Variants in PRKACB observed in about 807,000 individuals in gnomAD.
PRKACB encodes the protein protein kinase cAMP-activated catalytic subunit beta, also known as cAMP-dependent protein kinase catalytic subunit beta.
A neutral mutation model predicts 51.4 loss-of-function variants in PRKACB; 16 were observed. That is an observed-to-expected ratio of 0.31 (90% CI 0.21 to 0.47). The LOEUF (loss-of-function observed/expected upper bound fraction) is 0.47. Ranked by LOEUF, PRKACB falls within the 20% of genes least tolerant of loss-of-function variation. The pLI is 1.00. For synonymous variants in PRKACB, 147 were observed against 154.4 expected, an observed-to-expected ratio of 0.95 and a Z score of 0.35; for missense variants, 309 against 464.5, an observed-to-expected ratio of 0.67 and a Z score of 3.08.
chr1:84,173,220 C>A, intron 1 of PRKACB: 1 of 665,980 alleles, frequency 1.5e-6, no homozygotes, highest in Non-Finnish European at 2.4e-6. Context: ...ATTGTTTTAT[C>A]ATTCTATTTC....
upstream of PRKACB, among the ~76,000 whole-genome samples, chr1:84,139,935 C>T (rs2100584086): frequency 6.6e-6 from 1 of 152,262 alleles, no homozygotes; most frequent in Non-Finnish European, 1.5e-5. Flanking sequence ...TGGCATGCAT[C>T]TGTAGTCCCA....
chr1:84,105,481 G>A lies in PRKACB; in HGVS notation c.46+27110G>A, dbSNP rs186887913. On this transcript the variant is annotated intron_variant, in intron 1 of 8. Transcript: ENST00000370688. ...TCCATTCATCATTACCTACATGTAA[G>A]AAAAAAAGAAAAGAAGAAAAATCTA... 1.0e-3 allele frequency among the ~76,000 whole-genome samples: 157 copies of A among 151,812 alleles called. 4 individuals are homozygous for A. The East Asian group carries it at 0.021, about 21-fold the overall frequency.
chr1:84,103,462 T>C (rs1438697462), intron 1 of PRKACB, among the ~76,000 whole-genome samples: 2 of 151,888 alleles, frequency 1.3e-5, no homozygotes, highest in African/African-American at 2.4e-5. Context: ...AGAGAGAGAT[T>C]GGTAGCACTA....
At chr1:84,232,388 G>A (rs1318434083) in intron 9 of PRKACB, among the ~76,000 whole-genome samples, 1 of 152,214 alleles carries the variant, frequency 6.6e-6, no homozygotes, top group Non-Finnish European at 1.5e-5. Context: ...TGAAAAAAAT[G>A]TATATTCTGT....
intron 2 of PRKACB, among the ~76,000 whole-genome samples, chr1:84,180,217 G>A (rs1325195466): frequency 4.4e-4 from 6 of 13,772 alleles, no homozygotes; most frequent in Non-Finnish European, 9.4e-4. Context: ...TATGTATGAT[G>A]GAGTACTATG....
intron 1 of PRKACB, among the ~76,000 whole-genome samples, chr1:84,124,738 G>A (rs1228678879): frequency 2.6e-5 from 4 of 152,170 alleles, no homozygotes; most frequent in Non-Finnish European, 5.9e-5. Context: ...AGTGGTGGTT[G>A]AGGGAAGAAG....
chr1:84,142,640 A>G (rs911540217), upstream of PRKACB, among the ~76,000 whole-genome samples: 3 of 152,352 alleles, frequency 2.0e-5, no homozygotes, highest in South Asian at 2.1e-4. Context: ...GAGCTGTTAC[A>G]TGGCAAAATT....
chr1:84,119,990 A>G (rs536151010), intron 1 of PRKACB, among the ~76,000 whole-genome samples: 3 of 152,146 alleles, frequency 2.0e-5, no homozygotes, highest in Admixed American at 2.0e-4. Context: ...CCCCACCTCC[A>G]TCTATAACAC....
At chr1:84,160,740 C>A (rs1235983311) in intron 1 of PRKACB, among the ~76,000 whole-genome samples, 2 of 150,362 alleles carry the variant, frequency 1.3e-5, no homozygotes, top group African/African-American at 4.9e-5. Flanking sequence ...TTCTAATTTC[C>A]CTTGGAATTT....
At chr1:84,206,342 G>A (rs915053418) in intron 8 of PRKACB, among the ~76,000 whole-genome samples, 13 of 152,118 alleles carry the variant, frequency 8.5e-5, no homozygotes, top group African/African-American at 3.1e-4. Flanking sequence ...TTGATTATCA[G>A]CCCAATTGCT....
At chr1:84,167,815 A>G (rs1658013109) in intron 1 of PRKACB, among the ~76,000 whole-genome samples, 2 of 151,626 alleles carry the variant, frequency 1.3e-5, no homozygotes, top group African/African-American at 4.8e-5. Flanking sequence ...TAACCATAGT[A>G]TTTACTTGTT....
intron 9 of PRKACB, among the ~76,000 whole-genome samples, chr1:84,226,566 A>G (rs1295104107): frequency 1.3e-5 from 2 of 152,048 alleles, no homozygotes; most frequent in Non-Finnish European, 2.9e-5. Flanking sequence ...TTATGTTTAT[A>G]TTATAATTGA....
At chr1:84,173,598 A>G (rs1660257236) in intron 1 of PRKACB, among the ~76,000 whole-genome samples, 2 of 151,794 alleles carry the variant, frequency 1.3e-5, no homozygotes, top group Admixed American at 1.3e-4. Context: ...GCATTCCCCT[A>G]GATTTACACT....
chr1:84,132,008 A>AT (rs1416796158), intron 1 of PRKACB, among the ~76,000 whole-genome samples: 2 of 152,124 alleles, frequency 1.3e-5, no homozygotes, highest in Non-Finnish European at 2.9e-5. Flanking sequence ...TGTAGGGGAA[A>AT]ATATATTATT....
chr1:84,221,913 A>C (rs1190411022), intron 9 of PRKACB, among the ~76,000 whole-genome samples: 1 of 152,136 alleles, frequency 6.6e-6, no homozygotes, highest in Non-Finnish European at 1.5e-5. Flanking sequence ...ACTATTGGAT[A>C]AAATGTTGTG....
intron 1 of PRKACB, among the ~76,000 whole-genome samples, chr1:84,159,774 G>A (rs967717642): frequency 2.0e-5 from 3 of 152,022 alleles, no homozygotes; most frequent in South Asian, 2.1e-4. Flanking sequence ...TCTAGTCCTC[G>A]TTGTTGAGAG....
intron 1 of PRKACB, among the ~76,000 whole-genome samples, chr1:84,101,115 T>C (rs545036775): frequency 2.0e-5 from 3 of 152,328 alleles, no homozygotes; most frequent in Admixed American, 6.5e-5. Flanking sequence ...AAGAGATATA[T>C]TGCAAGAAAT....
At chr1:84,209,754 T>G (rs1671860030) in intron 8 of PRKACB, among the ~76,000 whole-genome samples, 3 of 152,200 alleles carry the variant, frequency 2.0e-5, no homozygotes, top group Admixed American at 2.0e-4. Flanking sequence ...CTCACTAGAA[T>G]GTAAACTCCA....
chr1:84,092,554 A>T (rs1319808730), intron 1 of PRKACB, among the ~76,000 whole-genome samples: 2 of 152,274 alleles, frequency 1.3e-5, no homozygotes, highest in African/African-American at 4.8e-5. Flanking sequence ...ACACTCATAC[A>T]TACATGCATA....
Sources: gnomAD v4.1 joint callset for allele counts (sites outside exome capture counted in the v4.1 genomes callset) on GRCh38, gnomAD v4.1.1 for gene constraint, MANE v1.5 for transcripts, NCBI Gene and HGNC (gene_info 2026-07-23, HGNC 2026-07-21) for gene names.